ATF7: variants seen among roughly 807,000 people sequenced by gnomAD.
ATF7 encodes activating transcription factor 7.
A neutral mutation model predicts 50.4 loss-of-function variants in ATF7; 10 were observed. The ratio of observed to expected loss-of-function variants is 0.20; its 90% CI spans 0.12 to 0.34. The LOEUF is 0.34. Ranked by LOEUF, ATF7 falls within the 10% of genes least tolerant of loss-of-function variation. The pLI is 1.00. For synonymous variants in ATF7, 201 were observed against 226.4 expected, an observed-to-expected ratio of 0.89 and a Z score of 1.01; for missense variants, 465 against 613.9, an observed-to-expected ratio of 0.76 and a Z score of 2.56.
chr12:53,547,283 CTTTTTT>C (rs34610513), intron 3 of ATF7, among the ~76,000 whole-genome samples: 2 of 62,542 alleles, frequency 3.2e-5, no homozygotes, highest in Non-Finnish European at 5.8e-5. Context: ...CGTGCCCAGC[CTTTTTT>C]TTTTTTTTTT....
At chr12:53,549,526 C>G (rs1438222218) in intron 3 of ATF7, among the ~76,000 whole-genome samples, 1 of 152,006 alleles carries the variant, frequency 6.6e-6, no homozygotes, top group Non-Finnish European at 1.5e-5. Flanking sequence ...GCTTCAGCCT[C>G]CCAAGTATCT....
At chr12:53,535,895 G>A (rs1358782801) in intron 5 of ATF7, among the ~76,000 whole-genome samples, 1 of 151,928 alleles carries the variant, frequency 6.6e-6, no homozygotes, top group Non-Finnish European at 1.5e-5. Context: ...GCTCACGTCT[G>A]TAATCGCAGC....
intron 1 of ATF7, among the ~76,000 whole-genome samples, chr12:53,620,324 C>T (rs1179726268): frequency 2.0e-5 from 3 of 151,976 alleles, no homozygotes; most frequent in East Asian, 3.9e-4. Context: ...CGCCTGTAAT[C>T]CCAGCACTTT....
chr12:53,594,072 T>C (rs1943055050), intron 2 of ATF7, among the ~76,000 whole-genome samples: 1 of 152,244 alleles, frequency 6.6e-6, no homozygotes, highest in African/African-American at 2.4e-5. Context: ...CAATATCTTG[T>C]AAGTCAACAA....
chr12:53,601,144 G>A, intron 1 of ATF7, 123 bp from the exon 2 acceptor site: 1 of 687,620 alleles, frequency 1.5e-6, no homozygotes, highest in Non-Finnish European at 2.4e-6. Flanking sequence ...TATCAAAGTT[G>A]TAAACACAGG....
At chr12:53,622,384 G>A (rs1167261695) in intron 1 of ATF7, among the ~76,000 whole-genome samples, 1 of 151,348 alleles carries the variant, frequency 6.6e-6, no homozygotes, top group Non-Finnish European at 1.5e-5. Context: ...ACTTTGAGAG[G>A]CCGAGGAGGG....
At chr12:53,534,175 G>A (rs572327950) in intron 6 of ATF7, among the ~76,000 whole-genome samples, 43 of 152,222 alleles carry the variant, frequency 2.8e-4, no homozygotes, top group African/African-American at 1.0e-3. Context: ...TACTCGGGAG[G>A]CTGAGGCAGG....
At chr12:53,562,596 CT>C (rs1262325267) in intron 2 of ATF7, among the ~76,000 whole-genome samples, 2 of 151,850 alleles carry the variant, frequency 1.3e-5, no homozygotes, top group African/African-American at 4.8e-5. Context: ...GATTGTGCCA[CT>C]GCACTCCAGC....
At chr12:53,530,568 AT>A (rs113567735) in intron 9 of ATF7, among the ~76,000 whole-genome samples, 1 of 151,332 alleles carries the variant, frequency 6.6e-6, no homozygotes, top group African/African-American at 2.4e-5. Context: ...ATTTTTTTAT[AT>A]TTTTTTATTT....
intron 2 of ATF7, among the ~76,000 whole-genome samples, chr12:53,587,166 A>G (rs1942721091): frequency 6.6e-6 from 1 of 152,050 alleles, no homozygotes; most frequent in Admixed American, 6.6e-5. Flanking sequence ...CAAGAGTTTG[A>G]GACCAGCCTG....
At chr12:53,519,882 G>A (rs531242375) in intron 11 of ATF7, among the ~76,000 whole-genome samples, 2 of 152,122 alleles carry the variant, frequency 1.3e-5, no homozygotes, top group African/African-American at 4.8e-5. Flanking sequence ...AACTAGGTGG[G>A]ACTACAGATG....
At chr12:53,608,152 A>T (rs556391018) in intron 1 of ATF7, among the ~76,000 whole-genome samples, 52 of 150,616 alleles carry the variant, frequency 3.5e-4, no homozygotes, top group African/African-American at 1.2e-3. Context: ...CCCAGGAGGC[A>T]GAGGTTGCAG....
intron 1 of ATF7, among the ~76,000 whole-genome samples, chr12:53,625,608 G>A (rs1460591457): frequency 6.6e-6 from 1 of 152,088 alleles, no homozygotes; most frequent in African/African-American, 2.4e-5. Flanking sequence ...TCATGTCCCT[G>A]ATGTTCTTTT....
intron 2 of ATF7, among the ~76,000 whole-genome samples, chr12:53,564,914 T>C: frequency 6.6e-6 from 1 of 151,198 alleles, no homozygotes. Context: ...CATCAGCTAT[T>C]GTTGGCGTTA....
intron 1 of ATF7, among the ~76,000 whole-genome samples, chr12:53,603,831 C>G (rs1426597522): frequency 6.6e-6 from 1 of 151,960 alleles, no homozygotes; most frequent in Non-Finnish European, 1.5e-5. Flanking sequence ...TGATTTCTAT[C>G]TAACACTTAA....
At chr12:53,541,229 T>C (rs1939532003) in intron 4 of ATF7, among the ~76,000 whole-genome samples, 1 of 152,160 alleles carries the variant, frequency 6.6e-6, no homozygotes, top group African/African-American at 2.4e-5. Flanking sequence ...ATGGAAATTT[T>C]TTCTTAAATA....
In ATF7 at chr12:53,549,008, C is replaced by T. The variant is rs531828616; in HGVS notation, c.145+3533G>A. ...TCCAAAAAATACCCCCCAAAACGGC[C>T]GGGCACAGTGGCTTATGCCTGTAAT... is the stretch of plus-strand genomic sequence containing the variant. On this transcript the variant is annotated intron_variant, in intron 3 of 11. Transcript: ENST00000420353. Among the ~76,000 whole-genome samples, 18 of 150,998 alleles carry T rather than the reference C, an allele frequency of 1.2e-4. No homozygotes were observed. In the South Asian group the frequency reaches 3.8e-3, roughly 32 times the overall value.
At chr12:53,570,382 A>C (rs1044320942) in intron 2 of ATF7, among the ~76,000 whole-genome samples, 23 of 152,180 alleles carry the variant, frequency 1.5e-4, no homozygotes, top group Non-Finnish European at 2.6e-4. Flanking sequence ...AAGGCCATTA[A>C]AAATACTGAT....
At chr12:53,572,420 T>C (rs1272565197) in intron 2 of ATF7, among the ~76,000 whole-genome samples, 1 of 152,190 alleles carries the variant, frequency 6.6e-6, no homozygotes, top group Non-Finnish European at 1.5e-5. Context: ...AGGCCAAGTG[T>C]GGACAAGTCT....
Sources: gnomAD v4.1 joint callset for allele counts (sites outside exome capture counted in the v4.1 genomes callset) on GRCh38, gnomAD v4.1.1 for gene constraint, MANE v1.5 for transcripts, NCBI Gene and HGNC (gene_info 2026-07-23, HGNC 2026-07-21) for gene names.